GPR158: variants seen among roughly 807,000 people sequenced by gnomAD.
GPR158 encodes the protein metabotropic glycine receptor.
In GPR158, 30 loss-of-function variants were observed where a neutral mutation model predicts 78.2. That is an observed-to-expected ratio of 0.38 (90% CI 0.29 to 0.52). The LOEUF is 0.52. GPR158 is among the 20% of genes least tolerant of loss of function. GPR158 has a pLI of 0.83. For synonymous variants in GPR158, 581 were observed against 591.1 expected, an observed-to-expected ratio of 0.98 and a Z score of 0.25; for missense variants, 1,463 against 1,523.5, an observed-to-expected ratio of 0.96 and a Z score of 0.66.
chr10:25,375,622 T>C (rs1016499378), intron 2 of GPR158, among the ~76,000 whole-genome samples: 1 of 151,644 alleles, frequency 6.6e-6, no homozygotes, highest in Non-Finnish European at 1.5e-5. Context: ...CAATATCAAA[T>C]AGCTCCAGTA....
At chr10:25,200,868 GT>G (rs56696555) in intron 1 of GPR158, among the ~76,000 whole-genome samples, 22,893 of 113,290 alleles carry the variant, frequency 0.2, 2,010 homozygotes, top group East Asian at 0.3. Context: ...TTTTTGTTTT[GT>G]TTTTTTTTTT....
At chr10:25,287,864 C>G (rs1484770023) in intron 2 of GPR158, among the ~76,000 whole-genome samples, 1 of 151,978 alleles carries the variant, frequency 6.6e-6, no homozygotes, top group Non-Finnish European at 1.5e-5. Context: ...CCTTCTGCGT[C>G]CCAAGTAGAA....
chr10:25,371,434 C>T (rs969452586), intron 2 of GPR158, among the ~76,000 whole-genome samples: 1 of 151,870 alleles, frequency 6.6e-6, no homozygotes, highest in Non-Finnish European at 1.5e-5. Context: ...CTGGAGGCAT[C>T]ATGCTACCTG....
At chr10:25,240,495 T>A (rs1853589018) in intron 2 of GPR158, among the ~76,000 whole-genome samples, 1 of 152,168 alleles carries the variant, frequency 6.6e-6, no homozygotes, top group South Asian at 2.1e-4. Context: ...AGAGACTCCA[T>A]CTCAAAGAGG....
chr10:25,189,803 A>T (rs986580930), intron 1 of GPR158, among the ~76,000 whole-genome samples: 3 of 136,846 alleles, frequency 2.2e-5, no homozygotes, highest in African/African-American at 2.9e-5. Flanking sequence ...AAAAACCTTT[A>T]AAAAAAAAAA....
At chr10:25,190,360 T>A (rs148378504) in intron 1 of GPR158, among the ~76,000 whole-genome samples, 95 of 151,892 alleles carry the variant, frequency 6.3e-4, no homozygotes, top group African/African-American at 2.2e-3. Flanking sequence ...TGAGACAGGG[T>A]CTTACTTTGT....
At chr10:25,388,199 G>T (rs1272786810) in intron 2 of GPR158, among the ~76,000 whole-genome samples, 1 of 152,236 alleles carries the variant, frequency 6.6e-6, no homozygotes, top group Non-Finnish European at 1.5e-5. Flanking sequence ...TCCTTATTCA[G>T]GGGTACAATA....
chr10:25,421,346 C>T lies in GPR158; in HGVS notation c.1335+8873C>T, dbSNP rs540458511. ...TACTTAGCAATTGATGTTCCTCCTTCGTGCTTTCTATTTCCTGTGATTTAT... is the reference window on the plus strand; with the variant it reads ...TACTTAGCAATTGATGTTCCTCCTTTGTGCTTTCTATTTCCTGTGATTTAT... On this transcript the variant is annotated intron_variant, in intron 4 of 10. Coordinates refer to ENST00000376351, the MANE Select transcript of GPR158 (RefSeq NM_020752.3). Among the ~76,000 whole-genome samples, 30 of 152,220 alleles carry T rather than the reference C, an allele frequency of 2.0e-4. No homozygotes were observed. In the East Asian group the frequency reaches 4.6e-3, roughly 23 times the overall value.
At chr10:25,420,171 A>G (rs1834729633) in intron 4 of GPR158, among the ~76,000 whole-genome samples, 1 of 151,832 alleles carries the variant, frequency 6.6e-6, no homozygotes, top group Admixed American at 6.6e-5. Context: ...TTTACTTGAG[A>G]CTAGGTTTTG....
At chr10:25,547,481 C>T (rs1283625082) in intron 5 of GPR158, among the ~76,000 whole-genome samples, 2 of 152,176 alleles carry the variant, frequency 1.3e-5, no homozygotes, top group Admixed American at 1.3e-4. Context: ...CTCCCTCTTT[C>T]ATCTTTGCCT....
At chr10:25,440,985 C>T (rs1835058844) in intron 4 of GPR158, among the ~76,000 whole-genome samples, 1 of 151,910 alleles carries the variant, frequency 6.6e-6, no homozygotes, top group African/African-American at 2.4e-5. Context: ...CCTTGTATTC[C>T]TTATGAAAAA....
At chr10:25,222,664 ATC>A (rs1416401429) in intron 2 of GPR158, among the ~76,000 whole-genome samples, 2 of 152,152 alleles carry the variant, frequency 1.3e-5, no homozygotes, top group African/African-American at 4.8e-5. Context: ...CCTGATTATC[ATC>A]TCTGTGCCAA....
At chr10:25,521,903 A>G (rs904571223) in intron 5 of GPR158, among the ~76,000 whole-genome samples, 1 of 152,244 alleles carries the variant, frequency 6.6e-6, no homozygotes, top group African/African-American at 2.4e-5. Flanking sequence ...TACATAGACA[A>G]TAAGAAGATG....
intron 4 of GPR158, among the ~76,000 whole-genome samples, chr10:25,446,312 A>G (rs1408113608): frequency 6.6e-6 from 1 of 152,174 alleles, no homozygotes; most frequent in East Asian, 1.9e-4. Context: ...TGAGTCAGGA[A>G]GTCACAACAT....
intron 7 of GPR158, among the ~76,000 whole-genome samples, chr10:25,577,114 G>C (rs1837111405): frequency 6.6e-6 from 1 of 151,970 alleles, no homozygotes; most frequent in Admixed American, 6.6e-5. Flanking sequence ...TTCTCTTTCA[G>C]CATGCAGCAT....
At chr10:25,191,653 T>C (rs1253530677) in intron 1 of GPR158, among the ~76,000 whole-genome samples, 1 of 152,228 alleles carries the variant, frequency 6.6e-6, no homozygotes, top group Non-Finnish European at 1.5e-5. Flanking sequence ...TATAAACAGC[T>C]GATATAAATA....
In GPR158 at chr10:25,415,378, A is replaced by G. The variant is rs1834645209; in HGVS notation, c.1335+2905A>G. Reference sequence around the variant, plus strand: ...CAAGGATCTAAATAGACATTTCTCCAAAGAAAATATATATATATAAGCCAA... The same window carrying G: ...CAAGGATCTAAATAGACATTTCTCCGAAGAAAATATATATATATAAGCCAA... On this transcript the variant is annotated intron_variant, in intron 4 of 10. Transcript: ENST00000376351. Among the ~76,000 whole-genome samples the G allele has an allele frequency of 2.5e-5, 3 of 122,046 alleles. No individual in the cohort carries two copies. In the South Asian group the frequency reaches 8.3e-4, roughly 34 times the overall value. 80.1% of individuals were successfully genotyped at this position (122,046 alleles called of 152,430 possible). A position where few individuals can be genotyped will look rare whatever the true frequency, so the allele number is the denominator to read the frequency against.
chr10:25,433,603 G>A (rs564795397), intron 4 of GPR158, among the ~76,000 whole-genome samples: 1 of 151,202 alleles, frequency 6.6e-6, no homozygotes, highest in South Asian at 2.1e-4. Flanking sequence ...ATATATGAAT[G>A]TCAAGGTGGT....
chr10:25,241,300 T>G (rs1181575600), intron 2 of GPR158, among the ~76,000 whole-genome samples: 1 of 134,440 alleles, frequency 7.4e-6, no homozygotes, highest in Non-Finnish European at 1.5e-5. Flanking sequence ...TTTTCTTTTC[T>G]TTTCTTTTCT....
Sources: gnomAD v4.1 joint callset for allele counts (sites outside exome capture counted in the v4.1 genomes callset) on GRCh38, gnomAD v4.1.1 for gene constraint, MANE v1.5 for transcripts, NCBI Gene and HGNC (gene_info 2026-07-23, HGNC 2026-07-21) for gene names.